The following CUX2 variants were observed in gnomAD, a reference collection of about 807,000 sequenced individuals.
CUX2 encodes the protein cut like homeobox 2.
Under a neutral mutation model 144.8 loss-of-function variants are expected in CUX2, and 40 were observed. That is an observed-to-expected ratio of 0.28 (90% CI 0.21 to 0.36). The LOEUF (loss-of-function observed/expected upper bound fraction) is 0.36, where lower values mean the gene tolerates loss of function less well. Ranked by LOEUF, CUX2 falls within the 10% of genes least tolerant of loss-of-function variation. The pLI is 1.00. For missense variants in CUX2, 1,615 were observed against 1,994.0 expected, an observed-to-expected ratio of 0.81 and a Z score of 3.62; for synonymous variants, 827 against 875.6, an observed-to-expected ratio of 0.94 and a Z score of 0.98.
rs12308568 is a variant in CUX2 at position 111,228,538 on chromosome 12, C to T, written c.222+10601C>T. 7.2e-3 allele frequency among the ~76,000 whole-genome samples: 1,097 copies of T among 152,262 alleles called. 14 individuals carry two copies. Among genetic ancestry groups the T allele is most frequent in the African/African-American group, 0.025 (1,047 of 41,536 alleles). The stretch of plus-strand genomic sequence containing the variant: ...TCCCAGGTTAAAGCGATTCTCCTGC[C>T]TCAGCCTCCTGAGTAGCTGGGATTA... On this transcript the variant is annotated intron_variant, in intron 3 of 21. Coordinates refer to ENST00000261726, the MANE Select transcript of CUX2 (RefSeq NM_015267.4).
At position 111,059,645 on chromosome 12, in the gene CUX2, CACCTTG is replaced by C. The variant is rs1273887569; in HGVS notation, c.63+25407_63+25412del. Among the ~76,000 whole-genome samples the C allele has an allele frequency of 6.6e-6, 1 of 152,000 alleles. No homozygotes were observed. Among genetic ancestry groups the C allele is most frequent in the Non-Finnish European group, 1.5e-5 (1 of 67,996 alleles). On this transcript the variant is annotated intron_variant, in intron 1 of 21. Transcript: ENST00000261726. This position sits in a 1 kb window ranked among gnomAD's most constrained non-coding sequence, Gnocchi z 5.3. ...GGGGGCAGGGTGGCAGGAGCCAGAT[CACCTTG>C]AGGGCTATGGTGAGGAGGTGGGATT...
intron 1 of CUX2, among the ~76,000 whole-genome samples, chr12:111,145,635 C>T (rs778369566): frequency 9.3e-5 from 14 of 151,314 alleles, no homozygotes; most frequent in Admixed American, 4.6e-4. Flanking sequence ...CCCAAAGTGC[C>T]GGGATTACAG....
chr12:111,141,189 C>T (rs16941264), intron 1 of CUX2, among the ~76,000 whole-genome samples: 14,225 of 151,818 alleles, frequency 0.094, 946 homozygotes, highest in African/African-American at 0.19. Flanking sequence ...TTTAAATCCT[C>T]ATCTTAGGTA....
intron 4 of CUX2, among the ~76,000 whole-genome samples, chr12:111,278,001 G>T (rs566978827): frequency 6.6e-6 from 1 of 152,234 alleles, no homozygotes; most frequent in Non-Finnish European, 1.5e-5. Flanking sequence ...GGCTGGGGCT[G>T]CCTATGTTCC....
chr12:111,296,728 AGAGG>A, intron 8 of CUX2, among the ~76,000 whole-genome samples, 189 bp downstream of exon 8: 1 of 128,238 alleles, frequency 7.8e-6, no homozygotes, highest in Admixed American at 7.6e-5. Context: ...GCCCTCCCAG[AGAGG>A]CCTCCTCCCT....
At chr12:111,281,610 C>G (rs924215127) in intron 4 of CUX2, among the ~76,000 whole-genome samples, 1 of 152,240 alleles carries the variant, frequency 6.6e-6, no homozygotes, top group Admixed American at 6.5e-5. Context: ...GAAGCAGGCG[C>G]AAGGACTCAG....
rs774181263 is a variant in CUX2, at chr12:111,275,231, C to T, written c.301+11392C>T. Among the ~76,000 whole-genome samples, 7 of 152,218 alleles carry T rather than the reference C, an allele frequency of 4.6e-5. No homozygotes were observed. The East Asian group carries it at 7.7e-4, about 17-fold the overall frequency. ...CCCCACGGTGTCCCCCATCCCTGCA[C>T]GCCCATCAGGACCTGCCATCTCTGA... On this transcript the variant is annotated intron_variant, in intron 4 of 21. Transcript: ENST00000261726.
chr12:111,103,345 T>C (rs1308110569), intron 1 of CUX2, among the ~76,000 whole-genome samples: 3 of 152,214 alleles, frequency 2.0e-5, no homozygotes, highest in Non-Finnish European at 4.4e-5. Flanking sequence ...GGAACATACC[T>C]TGGAGTCAGT....
intron 1 of CUX2, among the ~76,000 whole-genome samples, chr12:111,194,804 G>A (rs1315926032): frequency 5.9e-5 from 9 of 152,244 alleles, no homozygotes. Flanking sequence ...CTGATTACAT[G>A]AGCAGATCCA....
chr12:111,051,644 A>T (rs1422656243), intron 1 of CUX2, among the ~76,000 whole-genome samples: 2 of 152,166 alleles, frequency 1.3e-5, no homozygotes, highest in Non-Finnish European at 2.9e-5. Context: ...CGTGTCTCCT[A>T]TAGACAACAT....
intron 1 of CUX2, among the ~76,000 whole-genome samples, chr12:111,098,399 C>CAA (rs537665407): frequency 3.8e-4 from 32 of 85,150 alleles, no homozygotes; most frequent in African/African-American, 1.0e-3. Flanking sequence ...GACTTCGTCT[C>CAA]AAAAAAAAAA....
chr12:111,139,757 T>C (rs1302241429), intron 1 of CUX2, among the ~76,000 whole-genome samples: 1 of 152,196 alleles, frequency 6.6e-6, no homozygotes. Context: ...CCCAAGGTCA[T>C]GGCAAATAGG....
Position 111,348,458 on chromosome 12 carries a change from C to A in CUX2, c.*133C>A. The A allele has an allele frequency of 3.4e-6, 3 of 890,818 alleles. No individual in the cohort carries two copies. The highest frequency in any genetic ancestry group is 5.0e-6 in the Non-Finnish European group (3 of 595,826). 55.2% of individuals were successfully genotyped at this position (890,818 alleles called of 1,614,324 possible). ...GTGGACAGCAATGTTATGCCGTTTA[C>A]GTTTTTTGTTGTAATCCTAGTTCTA... On this transcript the variant is annotated 3_prime_UTR_variant, in exon 22 of 22. Coordinates refer to ENST00000261726, the MANE Select transcript of CUX2 (RefSeq NM_015267.4).
intron 1 of CUX2, among the ~76,000 whole-genome samples, chr12:111,136,118 TG>T (rs1308638325): frequency 1.3e-5 from 2 of 151,644 alleles, no homozygotes; most frequent in Non-Finnish European, 2.9e-5. Flanking sequence ...GACGGCCACA[TG>T]GGGAATAGGC....
rs1885908553 is a variant in CUX2 at position 111,295,236 on chromosome 12, G to C, written c.561-97G>C. ...AAGACAGAGGTGCAGGTTACAGGGA[G>C]TGGGCAAGGGGTAGGAAGCAAGATG... On this transcript the variant is annotated intron_variant, in intron 6 of 21. Transcript: ENST00000261726. This position sits in a 1 kb window ranked among gnomAD's most constrained non-coding sequence, Gnocchi z 5.0. 2 of 1,005,682 alleles carry C rather than the reference G, an allele frequency of 2.0e-6. No homozygotes were observed. The highest frequency in any genetic ancestry group is 3.0e-6 in the Non-Finnish European group (2 of 674,284). The allele number at this position is 1,005,682 out of a possible 1,614,324, so 62.3% of individuals were successfully genotyped here. A position where few individuals can be genotyped will look rare whatever the true frequency, so the allele number is the denominator to read the frequency against.
At chr12:111,105,412 C>T (rs1331861330) in intron 1 of CUX2, among the ~76,000 whole-genome samples, 5 of 152,100 alleles carry the variant, frequency 3.3e-5, no homozygotes, top group South Asian at 4.1e-4. Context: ...AAGGGGCTGA[C>T]GGAAGAGGTG....
At chr12:111,134,150 G>T (rs1270666159) in intron 1 of CUX2, among the ~76,000 whole-genome samples, 1 of 152,162 alleles carries the variant, frequency 6.6e-6, no homozygotes, top group Non-Finnish European at 1.5e-5. Context: ...CACTTGAGCT[G>T]GTAACTTAAA....
intron 1 of CUX2, among the ~76,000 whole-genome samples, chr12:111,049,280 T>C (rs1329650189): frequency 1.3e-5 from 2 of 152,070 alleles, no homozygotes; most frequent in Non-Finnish European, 2.9e-5. Context: ...CATTCATCTA[T>C]CCATTCATCC....
At chr12:111,050,129 C>A (rs1870191970) in intron 1 of CUX2, among the ~76,000 whole-genome samples, 1 of 152,174 alleles carries the variant, frequency 6.6e-6, no homozygotes, top group African/African-American at 2.4e-5. Flanking sequence ...ATCTCCATTT[C>A]TGTATCTCCC....
Sources: allele counts gnomAD v4.1 joint callset (sites outside exome capture counted in the v4.1 genomes callset), GRCh38; gene constraint gnomAD v4.1.1; non-coding constraint Gnocchi (gnomAD v3.1); transcripts MANE v1.5; gene names NCBI Gene and HGNC (gene_info 2026-07-23, HGNC 2026-07-21).